THSD1: variants seen among roughly 807,000 people sequenced by gnomAD.
The protein encoded by THSD1 is thrombospondin type 1 domain containing 1, also known as thrombospondin type-1 domain-containing protein 1.
In THSD1, 34 loss-of-function variants were observed where a neutral mutation model predicts 46.3. That is an observed-to-expected ratio of 0.74 (90% CI 0.56 to 0.98). THSD1 has a LOEUF of 0.98. Among genes scored for constraint, THSD1 ranks in the 50% least tolerant of loss-of-function variants. The pLI is 0.00. For synonymous variants in THSD1, 407 were observed against 416.5 expected, an observed-to-expected ratio of 0.98 and a Z score of 0.28; for missense variants, 1,023 against 1,058.3, an observed-to-expected ratio of 0.97 and a Z score of 0.46.
intron 4 of THSD1, among the ~76,000 whole-genome samples, chr13:52,381,114 T>C (rs967089256): frequency 6.6e-6 from 1 of 152,168 alleles, no homozygotes; most frequent in Non-Finnish European, 1.5e-5. Flanking sequence ...CTTCTGATTC[T>C]CCAGCCCTCC....
At chr13:52,405,210 T>C (rs1186735662) in intron 1 of THSD1, among the ~76,000 whole-genome samples, 3 of 152,222 alleles carry the variant, frequency 2.0e-5, no homozygotes, top group Non-Finnish European at 4.4e-5. Flanking sequence ...AAGTTGTGAA[T>C]ATTCTCAATG....
At chr13:52,378,853 TTTTTC>T in intron 4 of THSD1, 64 bp from the exon 5 acceptor site, 2 of 1,415,706 alleles carry the variant, frequency 1.4e-6, no homozygotes, top group Non-Finnish European at 1.8e-6. Flanking sequence ...GTATTTTTAC[TTTTTC>T]TTTTCTTTTT....
chr13:52,396,476 C>T (rs1263413931), intron 3 of THSD1, among the ~76,000 whole-genome samples: 1 of 152,044 alleles, frequency 6.6e-6, no homozygotes, highest in Non-Finnish European at 1.5e-5. Flanking sequence ...GAGCCGAGAT[C>T]GCGCCACTGC....
At chr13:52,402,714 G>C in intron 1 of THSD1, 33 bp from the exon 2 acceptor site, 1 of 1,489,976 alleles carries the variant, frequency 6.7e-7, no homozygotes, top group Non-Finnish European at 8.9e-7. Flanking sequence ...TGATGGCTCC[G>C]TTCAATGTGA....
Position 52,377,636 on chromosome 13 carries a change from T to G in THSD1, c.2334A>C (p.Ile778=). 1 of 1,610,470 alleles carries G rather than the reference T, an allele frequency of 6.2e-7. No homozygotes were observed. Among genetic ancestry groups the G allele is most frequent in the Non-Finnish European group, 8.5e-7 (1 of 1,177,026 alleles). The part of the protein sequence containing the change: ...KSVSRKQSSP[I]SPKDNYQRVS... ...CCCTCTGGTAGTTATCTTTGGGGGA[T>G]ATGGGAGAAGACTGCTTCCTTGAGA... The change falls in exon 5 of 5, where the codon ATA becomes ATC. Residue 778 remains isoleucine (I), a synonymous_variant. Coordinates refer to ENST00000258613, the MANE Select transcript of THSD1 (RefSeq NM_018676.4).
chr13:52,392,133 G>A (rs375734515), intron 3 of THSD1, among the ~76,000 whole-genome samples: 41 of 148,558 alleles, frequency 2.8e-4, no homozygotes, highest in East Asian at 1.2e-3. Context: ...CGGAGCTTGC[G>A]GTGAGCCGAG....
At chr13:52,399,344 C>A (rs2137746943) in intron 2 of THSD1, among the ~76,000 whole-genome samples, 1 of 152,258 alleles carries the variant, frequency 6.6e-6, no homozygotes, top group Non-Finnish European at 1.5e-5. Context: ...AGTCAGCTGG[C>A]CCGTGGCTAG....
At chr13:52,400,385 G>A (rs1213145042) in intron 2 of THSD1, among the ~76,000 whole-genome samples, 1 of 152,092 alleles carries the variant, frequency 6.6e-6, no homozygotes, top group Non-Finnish European at 1.5e-5. Context: ...ATCACCTGAG[G>A]TCAGGAGTTC....
Position 52,386,108 on chromosome 13 carries a change from C to A in THSD1, c.1100G>T (p.Cys367Phe). The A allele has an allele frequency of 6.2e-7, 1 of 1,614,170 alleles. No homozygotes were observed. Among genetic ancestry groups the A allele is most frequent in the Non-Finnish European group, 8.5e-7 (1 of 1,180,036 alleles). Residue 367 changes from cysteine (C) to phenylalanine (F), a missense_variant, in exon 4 of 5, where the codon TGT becomes TTT. This residue lies in a region of THSD1 where 429 missense variants were observed against 518.3 expected (regional missense o/e 0.83). Transcript: ENST00000258613. ...AGGACTGGAGGGGAAGGAAGTGAGA[C>A]ACACTCGGCGACGCTCTCTGACACC... ...GDGVRERRRVCLTSFPSSPVC... is the reference protein window; with the variant it reads ...GDGVRERRRVFLTSFPSSPVC...
At chr13:52,384,039 C>T (rs1242898013) in intron 4 of THSD1, 3 of 318,202 alleles carry the variant, frequency 9.4e-6, no homozygotes, top group South Asian at 5.4e-5. Flanking sequence ...CCCGTCTCTA[C>T]TGAAAATACA....
At chr13:52,386,408 CTGAGG>C (rs1594098941) in intron 3 of THSD1, among the ~76,000 whole-genome samples, 2 of 152,080 alleles carry the variant, frequency 1.3e-5, no homozygotes, top group Admixed American at 1.3e-4. Flanking sequence ...CAAAAAAGAG[CTGAGG>C]TCGCAGGACA....
At chr13:52,404,799 T>C (rs141861782) in intron 1 of THSD1, among the ~76,000 whole-genome samples, 264 of 152,332 alleles carry the variant, frequency 1.7e-3, no homozygotes, top group African/African-American at 6.1e-3. Context: ...AACATTTTTA[T>C]TTTTGAAGCC....
rs771988684 is a variant in THSD1, at chr13:52,402,564, A to T, written c.37T>A (p.Leu13Met). 2.1e-5 allele frequency: 34 copies of T among 1,613,992 alleles called. No individual in the cohort carries two copies. The highest frequency in any genetic ancestry group is 2.9e-5 in the Non-Finnish European group (34 of 1,179,930). The change falls in exon 2 of 5, where the codon TTG becomes ATG. Residue 13 changes from leucine to methionine, a missense_variant. Leu to Met is a conservative substitution (Grantham distance 15). Coordinates refer to ENST00000258613, the MANE Select transcript of THSD1 (RefSeq NM_018676.4). ...PMLKDFSNLL[L>M]VVLCDYVLGE... ...TCACCATAGTCACAGAGTACCACCA[A>T]CAATAGATTTGAAAAGTCTTTCAAC...
rs1388049617 is a variant in THSD1, at chr13:52,397,332, C to A, written c.921G>T (p.Leu307Phe). The change falls in exon 3 of 5, where the codon TTG becomes TTT. Residue 307 changes from leucine to phenylalanine, a missense_variant. This residue lies in a region of THSD1 where 429 missense variants were observed against 518.3 expected (regional missense o/e 0.83). Coordinates refer to ENST00000258613, the MANE Select transcript of THSD1 (RefSeq NM_018676.4). The part of the protein sequence containing the change: ...GERRTIFNCT[L>F]FDMGKNKYCF... ...AGTACTTATTCTTCCCCATGTCAAA[C>A]AAAGTACAGTTAAAAATTGTCCTCC... 1.2e-6 allele frequency: 2 copies of A among 1,614,064 alleles called. No individual in the cohort carries two copies. Among genetic ancestry groups the A allele is most frequent in the Non-Finnish European group, 1.7e-6 (2 of 1,179,952 alleles).
chr13:52,397,276 T>A lies in THSD1; in HGVS notation c.977A>T (p.His326Leu). 6.2e-7 allele frequency: 1 copy of A among 1,611,018 alleles called. No homozygotes were observed. The change falls in exon 3 of 5, where the codon CAT (histidine) becomes CTT (leucine). Residue 326 changes from histidine (H) to leucine (L), a missense_variant. Around this residue, in one of 3 missense-constraint regions of THSD1, gnomAD observed 429 missense variants for 518.3 expected, o/e 0.83. Transcript: ENST00000258613. ...CFDFGISSRS[H>L]FSAKEECMLI... ...CATGCACTCCTCCTTTGCAGAAAAA[T>A]GGCTTCTGCTTGAAATGCCAAAGTC...
chr13:52,380,265 C>T (rs186239889), intron 4 of THSD1, among the ~76,000 whole-genome samples: 38 of 152,172 alleles, frequency 2.5e-4, no homozygotes, highest in Admixed American at 1.0e-3. Context: ...GGTCACCAGT[C>T]CTATGGCTTT....
intron 3 of THSD1, among the ~76,000 whole-genome samples, chr13:52,388,473 T>C (rs1957749893): frequency 6.6e-6 from 1 of 152,098 alleles, no homozygotes; most frequent in Admixed American, 6.5e-5. Flanking sequence ...CGGCAATGTA[T>C]TATTTGTTTT....
Position 52,377,861 on chromosome 13 carries a change from G to T in THSD1, c.2109C>A (p.His703Gln). 2.5e-5 allele frequency: 41 copies of T among 1,614,222 alleles called. No homozygotes were observed. The highest frequency in any genetic ancestry group is 3.5e-5 in the Non-Finnish European group (41 of 1,180,034). Residue 703 changes from histidine to glutamine, a missense_variant, in exon 5 of 5, where the codon CAC becomes CAA. Physicochemically the swap from His to Gln is conservative, Grantham distance 24 (BLOSUM62 0). Coordinates refer to ENST00000258613, the MANE Select transcript of THSD1 (RefSeq NM_018676.4). ...AATGCTCCAGTTTTTCAGGAAACAG[G>T]TGGGCACCTCGACTCTGAGGCCTAA... is the stretch of plus-strand genomic sequence containing the variant. ...DRFRPQSRGA[H>Q]LFPEKLEHFQ...
rs186836452 is a variant in THSD1 at position 52,400,492 on chromosome 13, G to A, written c.58+2051C>T. 3.5e-3 allele frequency among the ~76,000 whole-genome samples: 536 copies of A among 152,240 alleles called. 4 individuals are homozygous for A. Among genetic ancestry groups the A allele is most frequent in the Middle Eastern group, 0.01 (3 of 294 alleles). The stretch of plus-strand genomic sequence containing the variant: ...GGGCGCCTGTAATCTCAGCTACTCA[G>A]GAGGCTGAGGCAGGAGAATTGCTGG... On this transcript the variant is annotated intron_variant, in intron 2 of 4. Transcript: ENST00000258613.
Sources: gnomAD v4.1 joint callset for allele counts (sites outside exome capture counted in the v4.1 genomes callset) on GRCh38, gnomAD v4.1.1 for gene constraint, gnomAD v4.1.1 regional missense constraint, MANE v1.5 for transcripts, NCBI Gene and HGNC (gene_info 2026-07-23, HGNC 2026-07-21) for gene names.